Variants in EEPD1 observed in about 807,000 individuals in gnomAD.
EEPD1 encodes endonuclease/exonuclease/phosphatase family domain containing 1, also known as endonuclease/exonuclease/phosphatase family domain-containing protein 1.
Under a neutral mutation model 46.3 loss-of-function variants are expected in EEPD1, and 17 were observed. The ratio of observed to expected loss-of-function variants is 0.37; its 90% CI spans 0.25 to 0.55. The LOEUF (loss-of-function observed/expected upper bound fraction) is 0.55. Ranked by LOEUF, EEPD1 falls within the 20% of genes least tolerant of loss-of-function variation. EEPD1 has a pLI of 0.83. For synonymous variants in EEPD1, 313 were observed against 315.6 expected (o/e 0.99, Z 0.09); for missense variants, 673 against 745.6 (o/e 0.90, Z 1.13).
At chr7:36,227,987 C>T (rs1447038394) in intron 2 of EEPD1, among the ~76,000 whole-genome samples, 3 of 151,976 alleles carry the variant, frequency 2.0e-5, no homozygotes, top group Admixed American at 6.6e-5. Context: ...CACACCCGGC[C>T]TAATCCCAGC....
intron 3 of EEPD1, among the ~76,000 whole-genome samples, chr7:36,265,756 T>C (rs1787005825): frequency 6.6e-6 from 1 of 152,202 alleles, no homozygotes. Flanking sequence ...AACACATTCT[T>C]TCAGCCTGTA....
In EEPD1 at chr7:36,300,841, G is replaced by A. The variant is rs547832600; in HGVS notation, c.*1635G>A. On this transcript the variant is annotated 3_prime_UTR_variant, in exon 8 of 8. Transcript: ENST00000242108. ...TGTCCATTCTGAGGTCTCTCCAGTGGGAGGGCGGCAGCTCCTGTCCCTGGG... is the reference window on the plus strand; with the variant it reads ...TGTCCATTCTGAGGTCTCTCCAGTGAGAGGGCGGCAGCTCCTGTCCCTGGG... The A allele has an allele frequency of 9.8e-5, 15 of 152,296 alleles. No homozygotes were observed. The highest frequency in any genetic ancestry group is 3.6e-4 in the African/African-American group (15 of 41,466). 9.4% of individuals were successfully genotyped at this position (152,296 alleles called of 1,614,324 possible).
chr7:36,242,693 T>C (rs929618122), intron 3 of EEPD1, among the ~76,000 whole-genome samples: 4 of 145,386 alleles, frequency 2.8e-5, no homozygotes, highest in Admixed American at 1.5e-4. Flanking sequence ...GAGGCCAAGG[T>C]GGGTGGATCA....
intron 2 of EEPD1, among the ~76,000 whole-genome samples, chr7:36,188,566 G>C (rs1021745502): frequency 1.1e-4 from 17 of 152,180 alleles, no homozygotes; most frequent in Non-Finnish European, 2.4e-4. Flanking sequence ...GGATTACTGT[G>C]TGTTGGAAGC....
chr7:36,195,987 C>A (rs949983099), intron 2 of EEPD1, among the ~76,000 whole-genome samples: 1 of 152,148 alleles, frequency 6.6e-6, no homozygotes, highest in Non-Finnish European at 1.5e-5. Context: ...CCACTACACA[C>A]CTAGACTATA....
intron 3 of EEPD1, among the ~76,000 whole-genome samples, chr7:36,277,968 T>G (rs1170492612): frequency 6.6e-6 from 1 of 152,156 alleles, no homozygotes; most frequent in African/African-American, 2.4e-5. Flanking sequence ...TTTTTAAATA[T>G]TAATAGAAAG....
At chr7:36,246,863 C>T (rs1471805588) in intron 3 of EEPD1, among the ~76,000 whole-genome samples, 1 of 152,064 alleles carries the variant, frequency 6.6e-6, no homozygotes. Context: ...CAGTGTCTCA[C>T]GCCTGTAATC....
At chr7:36,214,393 T>C (rs1016481610) in intron 2 of EEPD1, among the ~76,000 whole-genome samples, 4 of 152,312 alleles carry the variant, frequency 2.6e-5, no homozygotes, top group Non-Finnish European at 5.9e-5. Context: ...TGTCCCATCT[T>C]GCACCCCCAC....
chr7:36,201,716 C>A (rs1785715001), intron 2 of EEPD1, among the ~76,000 whole-genome samples: 1 of 152,174 alleles, frequency 6.6e-6, no homozygotes, highest in Non-Finnish European at 1.5e-5. Flanking sequence ...CTGACCTGTC[C>A]CTTATCTCTG....
intron 2 of EEPD1, among the ~76,000 whole-genome samples, chr7:36,197,620 C>T (rs918735812): frequency 6.6e-6 from 1 of 152,296 alleles, no homozygotes; most frequent in Middle Eastern, 3.4e-3. Flanking sequence ...TTACCCCCAA[C>T]CCTGTGCTCT....
chr7:36,300,115 C>T lies in EEPD1; in HGVS notation c.*909C>T, dbSNP rs13224824. The T allele has an allele frequency of 0.43, 65,113 of 152,234 alleles. 15,224 individuals are homozygous for T. Among genetic ancestry groups the T allele is most frequent in the East Asian group, 0.59 (3,068 of 5,164 alleles). The allele number at this position is 152,234 out of a possible 1,614,324, so 9.4% of individuals were successfully genotyped here. A position where few individuals can be genotyped will look rare whatever the true frequency, so the allele number is the denominator to read the frequency against. On this transcript the variant is annotated 3_prime_UTR_variant, in exon 8 of 8. Coordinates refer to ENST00000242108, the MANE Select transcript of EEPD1 (RefSeq NM_030636.3). ...TCCCCACTCACTCCAGTTTTTAGCC[C>T]GGAGCCTCCTGTGGTTGACTATCAG...
chr7:36,241,851 G>A (rs1450457844), intron 3 of EEPD1, among the ~76,000 whole-genome samples: 1 of 152,232 alleles, frequency 6.6e-6, no homozygotes, highest in Admixed American at 6.5e-5. Context: ...CTGGGCGAGA[G>A]AGTAGGACCC....
intron 6 of EEPD1, among the ~76,000 whole-genome samples, chr7:36,295,354 G>A (rs1212468522): frequency 2.6e-5 from 4 of 152,072 alleles, no homozygotes; most frequent in Admixed American, 2.6e-4. Flanking sequence ...CAGGAACAAA[G>A]TCAATGACAT....
At chr7:36,169,024 G>A (rs945288895) in intron 2 of EEPD1, among the ~76,000 whole-genome samples, 4 of 152,278 alleles carry the variant, frequency 2.6e-5, no homozygotes, top group South Asian at 2.1e-4. Flanking sequence ...AGGTTTATCC[G>A]TGGTGAAGTG....
intron 4 of EEPD1, among the ~76,000 whole-genome samples, chr7:36,283,167 C>T (rs906607146): frequency 4.6e-5 from 7 of 152,148 alleles, no homozygotes; most frequent in Non-Finnish European, 1.0e-4. Flanking sequence ...GACCTGAGCC[C>T]AGTTCACTCT....
chr7:36,264,185 AT>A (rs1786975246), intron 3 of EEPD1, among the ~76,000 whole-genome samples: 1 of 152,158 alleles, frequency 6.6e-6, no homozygotes, highest in Non-Finnish European at 1.5e-5. Flanking sequence ...CTCTAGTTTC[AT>A]TTTGTTTCAG....
intron 2 of EEPD1, among the ~76,000 whole-genome samples, chr7:36,199,042 A>T (rs140975679): frequency 1.3e-3 from 203 of 151,934 alleles, no homozygotes; most frequent in African/African-American, 4.6e-3. Context: ...CAGGCCCTCA[A>T]TTTCACACTT....
intron 3 of EEPD1, among the ~76,000 whole-genome samples, chr7:36,261,972 G>A (rs575700562): frequency 2.2e-4 from 34 of 152,156 alleles, no homozygotes; most frequent in Non-Finnish European, 4.6e-4. Flanking sequence ...TTTTGGAAAT[G>A]CATCCAACCT....
chr7:36,208,698 G>A (rs1785868809), intron 2 of EEPD1, among the ~76,000 whole-genome samples: 1 of 152,222 alleles, frequency 6.6e-6, no homozygotes, highest in African/African-American at 2.4e-5. Context: ...AAGAATACTT[G>A]TGGGTCCTCT....
Sources: allele counts gnomAD v4.1 joint callset (sites outside exome capture counted in the v4.1 genomes callset), GRCh38; gene constraint gnomAD v4.1.1; transcripts MANE v1.5; gene names NCBI Gene and HGNC (gene_info 2026-07-23, HGNC 2026-07-21).